The following DACH2 variants were observed in gnomAD, a reference collection of about 807,000 sequenced individuals.
DACH2 encodes dachshund homolog 2.
In DACH2, 17 loss-of-function variants were observed where a neutral mutation model predicts 35.8. That is an observed-to-expected ratio of 0.48 (90% CI 0.33 to 0.71). DACH2 has a LOEUF of 0.71. Among genes scored for constraint, DACH2 ranks in the 30% least tolerant of loss-of-function variants. The pLI is 0.02. For missense variants in DACH2, 469 were observed against 472.7 expected (o/e 0.99, Z 0.07); for synonymous variants, 195 against 177.3 (o/e 1.10, Z -0.79).
intron 2 of DACH2, among the ~76,000 whole-genome samples, chrX:86,387,876 C>A (rs931309058): frequency 2.7e-5 from 3 of 112,040 alleles, no homozygotes; most frequent in African/African-American, 9.7e-5. Context: ...TATTAGAAGT[C>A]CATGTAACAA....
chrX:86,193,303 T>C (rs2031885140), intron 1 of DACH2, among the ~76,000 whole-genome samples: 1 of 111,908 alleles, frequency 8.9e-6, no homozygotes, highest in East Asian at 2.8e-4. Flanking sequence ...ATTATCTCTG[T>C]GTTTATTAAT....
intron 1 of DACH2, among the ~76,000 whole-genome samples, chrX:86,233,130 G>A (rs2032984809): frequency 9.0e-6 from 1 of 111,472 alleles, no homozygotes; most frequent in Non-Finnish European, 1.9e-5. Flanking sequence ...ATAAGTGGGA[G>A]CTAAATGATG....
chrX:86,775,909 T>C (rs1220581568), intron 7 of DACH2, among the ~76,000 whole-genome samples: 2 of 111,865 alleles, frequency 1.8e-5, no homozygotes, highest in Non-Finnish European at 3.8e-5. Flanking sequence ...ATCAGGTAGA[T>C]ACTATTGTTA....
At chrX:86,302,362 A>T (rs1305580346) in intron 1 of DACH2, among the ~76,000 whole-genome samples, 1 of 111,752 alleles carries the variant, frequency 8.9e-6, no homozygotes, top group Non-Finnish European at 1.9e-5. Context: ...CTAGTGGAAA[A>T]AATGATTAGT....
At chrX:86,401,151 G>C (rs1480957519) in intron 2 of DACH2, among the ~76,000 whole-genome samples, 1 of 112,143 alleles carries the variant, frequency 8.9e-6, no homozygotes, top group East Asian at 2.8e-4. Context: ...AATGATTGAG[G>C]CTCCGTGGGT....
intron 1 of DACH2, among the ~76,000 whole-genome samples, chrX:86,330,398 C>T (rs753212075): frequency 1.8e-5 from 2 of 111,160 alleles, no homozygotes; most frequent in Non-Finnish European, 1.9e-5. Flanking sequence ...ATTTTATTGC[C>T]TGCCTTAGCA....
chrX:86,547,163 G>A (rs895634586), intron 3 of DACH2, among the ~76,000 whole-genome samples: 2 of 111,223 alleles, frequency 1.8e-5, no homozygotes, highest in African/African-American at 6.6e-5. Context: ...AAGCCCCTTT[G>A]ACATGTCAGA....
At chrX:86,469,424 A>T (rs1237893543) in intron 2 of DACH2, among the ~76,000 whole-genome samples, 1 of 111,287 alleles carries the variant, frequency 9.0e-6, no homozygotes, top group Non-Finnish European at 1.9e-5. Flanking sequence ...CCCAATGTAT[A>T]TTTAAAATAT....
chrX:86,234,941 G>A (rs759957035), intron 1 of DACH2, among the ~76,000 whole-genome samples: 2 of 111,581 alleles, frequency 1.8e-5, no homozygotes, highest in Non-Finnish European at 3.8e-5. Flanking sequence ...ATTAACTAAA[G>A]TTTATACTTT....
At chrX:86,174,959 C>G (rs2031254998) in intron 1 of DACH2, among the ~76,000 whole-genome samples, 2 of 112,434 alleles carry the variant, frequency 1.8e-5, no homozygotes, top group African/African-American at 6.5e-5. Flanking sequence ...ACTGGGATTA[C>G]AGGTGTAAAC....
At chrX:86,657,540 G>A (rs1335869873) in intron 4 of DACH2, among the ~76,000 whole-genome samples, 1 of 111,229 alleles carries the variant, frequency 9.0e-6, no homozygotes, top group Non-Finnish European at 1.9e-5. Context: ...CTTATGAGTG[G>A]CATTTGTTTT....
chrX:86,316,283 AG>A (rs2034904393), intron 1 of DACH2, among the ~76,000 whole-genome samples: 2 of 109,990 alleles, frequency 1.8e-5, no homozygotes, highest in Non-Finnish European at 3.8e-5. Context: ...AGTGGGCCTA[AG>A]GGGAAAGGAA....
intron 7 of DACH2, among the ~76,000 whole-genome samples, chrX:86,780,872 G>A (rs1425958267): frequency 9.0e-6 from 1 of 111,130 alleles, no homozygotes; most frequent in Non-Finnish European, 1.9e-5. Context: ...CCTCAGGGGA[G>A]GCCATAATTG....
chrX:86,748,170 C>A (rs1169198589), intron 7 of DACH2, among the ~76,000 whole-genome samples: 1 of 111,835 alleles, frequency 8.9e-6, no homozygotes, highest in Admixed American at 9.5e-5. Context: ...GTCTTGAGTC[C>A]CTCAAAGTCA....
intron 3 of DACH2, among the ~76,000 whole-genome samples, chrX:86,539,031 G>C (rs2038843254): frequency 9.0e-6 from 1 of 110,906 alleles, no homozygotes; most frequent in African/African-American, 3.3e-5. Flanking sequence ...GCAAAATGGA[G>C]AGGCTGATGA....
At chrX:86,724,279 T>C (rs2041440688) in intron 6 of DACH2, among the ~76,000 whole-genome samples, 1 of 106,407 alleles carries the variant, frequency 9.4e-6, no homozygotes, top group African/African-American at 3.4e-5. Flanking sequence ...ATGACTGTTT[T>C]GTAAGTCTTG....
chrX:86,676,811 C>T (rs1461973512), intron 4 of DACH2, among the ~76,000 whole-genome samples: 1 of 110,940 alleles, frequency 9.0e-6, no homozygotes, highest in Non-Finnish European at 1.9e-5. Flanking sequence ...GTTTTGTGAG[C>T]GAAACAAATC....
chrX:86,469,063 C>T, intron 2 of DACH2, among the ~76,000 whole-genome samples: 1 of 111,217 alleles, frequency 9.0e-6, no homozygotes, highest in Non-Finnish European at 1.9e-5. Flanking sequence ...ATATGGATGA[C>T]ATTATGGAGG....
chrX:86,434,332 C>A (rs1361973719), intron 2 of DACH2, among the ~76,000 whole-genome samples: 1 of 111,401 alleles, frequency 9.0e-6, no homozygotes, highest in Non-Finnish European at 1.9e-5. Flanking sequence ...GTGTTGCAAA[C>A]AATCTAATTA....
Sources: gnomAD v4.1 joint callset for allele counts (sites outside exome capture counted in the v4.1 genomes callset) on GRCh38, gnomAD v4.1.1 for gene constraint, MANE v1.5 for transcripts, NCBI Gene and HGNC (gene_info 2026-07-23, HGNC 2026-07-21) for gene names.